The following UPP2 variants were observed in gnomAD, a reference collection of about 807,000 sequenced individuals.
UPP2 encodes uridine phosphorylase 2, also known as UPase 2.
UPP2 carries 23 observed loss-of-function variants against 26.7 expected under a neutral mutation model. That is an observed-to-expected ratio of 0.86 (90% CI 0.62 to 1.22). UPP2 has a LOEUF of 1.22. UPP2 is among the 50% of genes most tolerant of loss of function. The probability of loss-of-function intolerance (pLI) is 0.00; values close to 1 mark genes in which losing one functional copy is unlikely to be tolerated. For synonymous variants in UPP2, 127 were observed against 141.3 expected, an observed-to-expected ratio of 0.90 and a Z score of 0.72; for missense variants, 387 against 396.7, an observed-to-expected ratio of 0.98 and a Z score of 0.21.
Position 158,052,655 on chromosome 2 carries a change from A to G in UPP2, c.147+36769A>G, listed in dbSNP as rs149413000. ...AACATCTTTGGGCGTCAATGTCTTT[A>G]TTTGTAGAATAGAATTAATATTATT... is the stretch of plus-strand genomic sequence containing the variant. On this transcript the variant is annotated intron_variant, in intron 3 of 9. Transcript: ENST00000605860. 8.3e-4 allele frequency among the ~76,000 whole-genome samples: 127 copies of G among 152,328 alleles called. 1 individual carries two copies. In the East Asian group the frequency reaches 0.022, roughly 26 times the overall value.
upstream of UPP2, among the ~76,000 whole-genome samples, chr2:158,101,269 C>T (rs1683070587): frequency 6.6e-6 from 1 of 152,132 alleles, no homozygotes; most frequent in Non-Finnish European, 1.5e-5. Context: ...TGAATTCATG[C>T]CTTTCTTGGC....
chr2:158,002,972 G>A (rs1683431624), intron 2 of UPP2, among the ~76,000 whole-genome samples: 1 of 151,776 alleles, frequency 6.6e-6, no homozygotes, highest in South Asian at 2.1e-4. Context: ...TAGCTAAATG[G>A]CCATCTATGC....
At chr2:158,024,589 T>A (rs1046897429) in intron 3 of UPP2, among the ~76,000 whole-genome samples, 6 of 152,146 alleles carry the variant, frequency 3.9e-5, no homozygotes, top group African/African-American at 1.4e-4. Flanking sequence ...GTTTTTAACG[T>A]GAGTGTTAAT....
chr2:158,066,780 T>C (rs994923943), intron 3 of UPP2, among the ~76,000 whole-genome samples: 12 of 152,128 alleles, frequency 7.9e-5, no homozygotes, highest in Admixed American at 7.9e-4. Flanking sequence ...GGCCTTACAG[T>C]TCATTTAATG....
intron 3 of UPP2, among the ~76,000 whole-genome samples, chr2:158,086,728 A>C (rs548140003): frequency 6.6e-6 from 1 of 152,104 alleles, no homozygotes; most frequent in Non-Finnish European, 1.5e-5. Flanking sequence ...TTTAATTTCC[A>C]TCTTGATTTC....
At position 158,115,158 on chromosome 2, in the gene UPP2, A is replaced by G; in HGVS notation, c.238A>G (p.Lys80Glu). ...GAAAGCATTTGCACTGTTTATGCACAAGGAGCTCGGGTTTGAGGAAGCTGA... is the reference window on the plus strand; with the variant it reads ...GAAAGCATTTGCACTGTTTATGCACGAGGAGCTCGGGTTTGAGGAAGCTGA... ...RMKAFALFMH[K>E]ELGFEEAEED... Residue 80 changes from lysine (K) to glutamate (E), a missense_variant, in exon 3 of 7, where the codon AAG becomes GAG. Lys to Glu is a moderately conservative substitution (Grantham distance 56). Transcript: ENST00000005756. The G allele has an allele frequency of 3.1e-6, 5 of 1,613,818 alleles. No homozygotes were observed. Among genetic ancestry groups the G allele is most frequent in the Non-Finnish European group, 3.4e-6 (4 of 1,179,882 alleles).
At chr2:158,047,913 A>C (rs1682057407) in intron 3 of UPP2, among the ~76,000 whole-genome samples, 4 of 152,148 alleles carry the variant, frequency 2.6e-5, no homozygotes, top group Admixed American at 1.3e-4. Context: ...TTATTAGGAT[A>C]TTTGTTTGTT....
chr2:158,095,051 G>T (rs1392430787), intron 3 of UPP2, among the ~76,000 whole-genome samples: 1 of 152,178 alleles, frequency 6.6e-6, no homozygotes. Flanking sequence ...GAGCCTCTCA[G>T]CCCTCATACC....
chr2:158,020,188 TGAGGAGC>T (rs1223672031), intron 3 of UPP2, among the ~76,000 whole-genome samples: 2 of 152,220 alleles, frequency 1.3e-5, no homozygotes, highest in Non-Finnish European at 2.9e-5. Context: ...TCACTTCCCT[TGAGGAGC>T]GAGTGTTTTC....
Position 158,115,112 on chromosome 2 carries a change from C to A in UPP2, c.192C>A (p.Val64=). ...ATTTTTATTAACAGTTTGTCTGTGT[C>A]GGTGGGAGCCCCAACAGAATGAAAG... is the stretch of plus-strand genomic sequence containing the variant. ...AMFGDVKFVC[V]GGSPNRMKAF... is the part of the protein sequence containing the mutation. Residue 64 remains valine, a synonymous_variant, in exon 3 of 7, where the codon GTC becomes GTA. Coordinates refer to ENST00000005756, the MANE Select transcript of UPP2 (RefSeq NM_173355.4). The A allele has an allele frequency of 6.2e-7, 1 of 1,603,952 alleles. No homozygotes were observed. The highest frequency in any genetic ancestry group is 1.1e-5 in the South Asian group (1 of 89,866).
chr2:158,076,123 A>T (rs1308429395), intron 3 of UPP2, among the ~76,000 whole-genome samples: 4 of 152,020 alleles, frequency 2.6e-5, no homozygotes, highest in African/African-American at 9.7e-5. Flanking sequence ...AGATTGAACT[A>T]TGAAGAAATC....
chr2:158,130,338 C>G (rs1683788121), intron 6 of UPP2, among the ~76,000 whole-genome samples: 1 of 151,724 alleles, frequency 6.6e-6, no homozygotes. Flanking sequence ...GTAGTCCCAG[C>G]TACTCGGGAG....
At chr2:158,089,037 T>C (rs1243202351) in intron 3 of UPP2, among the ~76,000 whole-genome samples, 4 of 152,034 alleles carry the variant, frequency 2.6e-5, no homozygotes, top group African/African-American at 9.7e-5. Flanking sequence ...GGCAGGGCCA[T>C]AGAGCTCTGA....
chr2:158,089,021 G>T (rs1682863331), intron 3 of UPP2, among the ~76,000 whole-genome samples: 1 of 152,064 alleles, frequency 6.6e-6, no homozygotes, highest in African/African-American at 2.4e-5. Flanking sequence ...GGAGGATCAG[G>T]GAGTGGGCAG....
At chr2:158,017,005 T>C (rs1683670040) in intron 3 of UPP2, among the ~76,000 whole-genome samples, 2 of 152,164 alleles carry the variant, frequency 1.3e-5, no homozygotes, top group Non-Finnish European at 2.9e-5. Context: ...TAATCTACTG[T>C]AATAAATAAA....
intron 5 of UPP2, 107 bp downstream of exon 5, chr2:158,121,725 T>G: frequency 9.4e-7 from 1 of 1,061,372 alleles, no homozygotes. Context: ...AATTAATATT[T>G]GTGGGTTAAA....
chr2:158,072,444 C>T (rs1682557996), intron 3 of UPP2, among the ~76,000 whole-genome samples: 1 of 152,130 alleles, frequency 6.6e-6, no homozygotes, highest in Non-Finnish European at 1.5e-5. Flanking sequence ...GACTATCTTC[C>T]CATCTGCAGA....
At chr2:158,094,011 A>T (rs1682950746) in intron 3 of UPP2, among the ~76,000 whole-genome samples, 1 of 150,364 alleles carries the variant, frequency 6.7e-6, no homozygotes, top group Non-Finnish European at 1.5e-5. Flanking sequence ...TATGATTCTT[A>T]TATATACATA....
chr2:158,031,347 T>G (rs370756535), intron 3 of UPP2, among the ~76,000 whole-genome samples: 5 of 152,356 alleles, frequency 3.3e-5, no homozygotes, highest in Admixed American at 1.3e-4. Flanking sequence ...TCCCAAGCCC[T>G]AAACCTACGT....
Sources: allele counts gnomAD v4.1 joint callset (sites outside exome capture counted in the v4.1 genomes callset), GRCh38; gene constraint gnomAD v4.1.1; transcripts MANE v1.5; gene names NCBI Gene and HGNC (gene_info 2026-07-23, HGNC 2026-07-21).